Variants in SWT1 observed in about 807,000 individuals in gnomAD.
SWT1 encodes transcriptional protein SWT1.
SWT1 carries 33 observed loss-of-function variants against 107.3 expected under a neutral mutation model. The ratio of observed to expected loss-of-function variants is 0.31; its 90% CI spans 0.23 to 0.41. The LOEUF is 0.41. SWT1 is among the 10% of genes least tolerant of loss of function. SWT1 has a pLI of 1.00. For missense variants in SWT1, 898 were observed against 1,028.9 expected (o/e 0.87, Z 1.74); for synonymous variants, 345 against 348.3 (o/e 0.99, Z 0.11).
At chr1:185,283,801 A>G (rs2102778972) in intron 18 of SWT1, among the ~76,000 whole-genome samples, 1 of 152,284 alleles carries the variant, frequency 6.6e-6, no homozygotes. Flanking sequence ...AGCATATATC[A>G]ATACTTCATT....
rs529493475 is a variant in SWT1 at position 185,159,116 on chromosome 1, G to A, written c.-9-1717G>A. Among the ~76,000 whole-genome samples the A allele has an allele frequency of 1.5e-4, 23 of 152,266 alleles. No individual in the cohort carries two copies. The South Asian group carries it at 4.8e-3, about 32-fold the overall frequency. ...CAGTCCAAGACAGAACAAGGCAGACGTCATGATATCTTATATGATTTAGCC... is the reference window on the plus strand; with the variant it reads ...CAGTCCAAGACAGAACAAGGCAGACATCATGATATCTTATATGATTTAGCC... On this transcript the variant is annotated intron_variant, in intron 1 of 18. Coordinates refer to ENST00000367500, the MANE Select transcript of SWT1 (RefSeq NM_017673.7).
chr1:185,182,892 T>A (rs1656146729), intron 7 of SWT1, among the ~76,000 whole-genome samples: 1 of 152,056 alleles, frequency 6.6e-6, no homozygotes. Context: ...TCCCAGCACT[T>A]TGGGAGGCCA....
intron 13 of SWT1, among the ~76,000 whole-genome samples, chr1:185,208,676 C>T (rs957650028): frequency 6.6e-6 from 1 of 151,880 alleles, no homozygotes; most frequent in African/African-American, 2.4e-5. Flanking sequence ...AAATATTTCC[C>T]CTAGGGGATT....
chr1:185,256,247 C>G (rs1197394431), intron 16 of SWT1, among the ~76,000 whole-genome samples: 1 of 151,698 alleles, frequency 6.6e-6, no homozygotes, highest in Non-Finnish European at 1.5e-5. Context: ...GTGAATCTGA[C>G]AATTATGTGT....
At chr1:185,231,002 G>A (rs535203294) in intron 15 of SWT1, among the ~76,000 whole-genome samples, 59 of 152,230 alleles carry the variant, frequency 3.9e-4, no homozygotes, top group African/African-American at 1.2e-3. Context: ...TCCCTCCTCG[G>A]CCTTTCAAAG....
intron 16 of SWT1, among the ~76,000 whole-genome samples, chr1:185,242,533 G>A (rs1488371564): frequency 3.9e-5 from 6 of 152,044 alleles, no homozygotes; most frequent in East Asian, 1.9e-4. Flanking sequence ...GAGAAATGCC[G>A]CAGTTATTCC....
At chr1:185,222,368 G>A (rs1311139565) in intron 15 of SWT1, among the ~76,000 whole-genome samples, 1 of 152,026 alleles carries the variant, frequency 6.6e-6, no homozygotes, top group African/African-American at 2.4e-5. Context: ...GGACACTTAG[G>A]TTGATTTCAT....
intron 5 of SWT1, 79 bp downstream of exon 5, chr1:185,175,192 A>AT (rs1655433147): frequency 5.7e-6 from 6 of 1,051,530 alleles, no homozygotes; most frequent in South Asian, 3.4e-5. Context: ...GTATTTCTAT[A>AT]TTTTTTTCTG....
chr1:185,196,580 T>TG (rs1308480823), intron 10 of SWT1, among the ~76,000 whole-genome samples: 1 of 152,244 alleles, frequency 6.6e-6, no homozygotes, highest in Non-Finnish European at 1.5e-5. Context: ...TTGGGCATTG[T>TG]GGCCATTTTC....
At chr1:185,266,949 A>T (rs143178101) in intron 16 of SWT1, among the ~76,000 whole-genome samples, 52 of 152,216 alleles carry the variant, frequency 3.4e-4, no homozygotes, top group African/African-American at 1.2e-3. Flanking sequence ...TTTTGCTTAC[A>T]TATAAAAGCA....
intron 15 of SWT1, among the ~76,000 whole-genome samples, chr1:185,226,070 C>T (rs1046989536): frequency 3.9e-5 from 6 of 152,084 alleles, no homozygotes; most frequent in Admixed American, 6.5e-5. Context: ...TTCTGGTTAG[C>T]AGAAAGTTAC....
intron 16 of SWT1, among the ~76,000 whole-genome samples, chr1:185,236,136 A>G (rs1462784747): frequency 6.6e-6 from 1 of 152,248 alleles, no homozygotes; most frequent in Non-Finnish European, 1.5e-5. Flanking sequence ...AGTAATTTAT[A>G]GATTCACTGC....
chr1:185,190,258 T>G (rs1047547862), intron 9 of SWT1, among the ~76,000 whole-genome samples: 1 of 152,178 alleles, frequency 6.6e-6, no homozygotes, highest in Non-Finnish European at 1.5e-5. Flanking sequence ...AAGCATAGCT[T>G]CCCCATTATC....
intron 18 of SWT1, among the ~76,000 whole-genome samples, chr1:185,285,049 C>T (rs1478092144): frequency 1.3e-5 from 2 of 152,120 alleles, no homozygotes; most frequent in Admixed American, 6.6e-5. Flanking sequence ...TTGGCTGAGG[C>T]ACTTCCCAGG....
At chr1:185,231,025 A>G (rs1431467288) in intron 15 of SWT1, among the ~76,000 whole-genome samples, 1 of 152,200 alleles carries the variant, frequency 6.6e-6, no homozygotes, top group Non-Finnish European at 1.5e-5. Context: ...TTGAGATGAC[A>G]TGGGTGAGCC....
Position 185,221,989 on chromosome 1 carries a change from A to C in SWT1, c.2262A>C (p.Glu754Asp). Residue 754 changes from glutamate to aspartate, a missense_variant, in exon 15 of 19, where the codon GAA (glutamate) becomes GAC (aspartate). This residue lies in a region of SWT1 where 382 missense variants were observed against 460.0 expected (regional missense o/e 0.83). Coordinates refer to ENST00000367500, the MANE Select transcript of SWT1 (RefSeq NM_017673.7). ...SHLPQPSRHQ[E>D]IWSILESVWI... ...TTCCCCAACCCAGCAGGCATCAAGAAATCTGGTCTATCCTAGAGAGTGTTT... is the reference window on the plus strand; with the variant it reads ...TTCCCCAACCCAGCAGGCATCAAGACATCTGGTCTATCCTAGAGAGTGTTT... The C allele has an allele frequency of 5.6e-6, 9 of 1,611,968 alleles. No homozygotes were observed. Among genetic ancestry groups the C allele is most frequent in the Non-Finnish European group, 7.6e-6 (9 of 1,179,222 alleles).
At chr1:185,248,699 C>T (rs990691077) in intron 16 of SWT1, among the ~76,000 whole-genome samples, 1 of 150,608 alleles carries the variant, frequency 6.6e-6, no homozygotes, top group African/African-American at 2.4e-5. Flanking sequence ...GGAAAATATC[C>T]TTCATTTAAC....
chr1:185,235,873 A>G (rs1660834980), intron 16 of SWT1, among the ~76,000 whole-genome samples: 1 of 152,252 alleles, frequency 6.6e-6, no homozygotes, highest in African/African-American at 2.4e-5. Context: ...TACAAAATCA[A>G]TGTGCAAAAA....
At chr1:185,229,922 C>T (rs1365857876) in intron 15 of SWT1, among the ~76,000 whole-genome samples, 6 of 151,892 alleles carry the variant, frequency 4.0e-5, no homozygotes, top group Non-Finnish European at 7.4e-5. Context: ...AGGGGTTTGG[C>T]GGGGCAAGAG....
Sources: allele counts gnomAD v4.1 joint callset (sites outside exome capture counted in the v4.1 genomes callset), GRCh38; gene constraint gnomAD v4.1.1; regional missense constraint gnomAD v4.1.1; transcripts MANE v1.5; gene names NCBI Gene and HGNC (gene_info 2026-07-23, HGNC 2026-07-21).